Variants in BPTF observed in about 807,000 individuals in gnomAD.
BPTF encodes nucleosome-remodeling factor subunit BPTF.
In BPTF, 18 loss-of-function variants were observed where a neutral mutation model predicts 292.5. That is an observed-to-expected ratio of 0.06 (90% CI 0.04 to 0.09). BPTF has a LOEUF of 0.09. Ranked by LOEUF, BPTF falls within the 10% of genes least tolerant of loss-of-function variation. BPTF has a pLI of 1.00. For missense variants in BPTF, 2,726 were observed against 3,498.7 expected (o/e 0.78, Z 5.57); for synonymous variants, 1,225 against 1,251.9 (o/e 0.98, Z 0.45).
chr17:67,878,408 T>C (rs1481774311), intron 4 of BPTF, among the ~76,000 whole-genome samples: 1 of 152,184 alleles, frequency 6.6e-6, no homozygotes, highest in Non-Finnish European at 1.5e-5. Flanking sequence ...ACAAGCCTAG[T>C]TGTGGATTTT....
At chr17:67,975,517 C>T (rs1317070064) in intron 26 of BPTF, 3 of 342,802 alleles carry the variant, frequency 8.8e-6, no homozygotes, top group African/African-American at 2.1e-5. Context: ...GAATGAAGAA[C>T]GGTTCTGTGC....
chr17:67,886,628 T>G (rs2060774379), intron 4 of BPTF, among the ~76,000 whole-genome samples: 1 of 152,140 alleles, frequency 6.6e-6, no homozygotes, highest in Non-Finnish European at 1.5e-5. Flanking sequence ...GTGTGTAACA[T>G]TTTAGATCTT....
rs551912950 is a variant in BPTF at position 67,947,996 on chromosome 17, C to G, written c.7701-85C>G. On this transcript the variant is annotated intron_variant, in intron 22 of 27. Transcript: ENST00000306378. The stretch of plus-strand genomic sequence containing the variant: ...TTCCAGTCACAGAAAGTTTTTGTCT[C>G]ATCTGTAGAGGCATAGAAGAATGAT... 2.9e-6 allele frequency: 4 copies of G among 1,391,072 alleles called. No homozygotes were observed. The South Asian group carries it at 3.9e-5, about 13-fold the overall frequency. 86.2% of individuals were successfully genotyped at this position (1,391,072 alleles called of 1,614,324 possible).
chr17:67,929,958 A>G (rs1829580400), intron 17 of BPTF, among the ~76,000 whole-genome samples: 1 of 145,372 alleles, frequency 6.9e-6, no homozygotes. Context: ...TCTACAAAAA[A>G]TACAGAAATT....
At chr17:67,865,134 A>G (rs1328157528) in intron 2 of BPTF, among the ~76,000 whole-genome samples, 4 of 152,140 alleles carry the variant, frequency 2.6e-5, no homozygotes, top group African/African-American at 9.7e-5. Context: ...TGAAAATCTG[A>G]AACGCTCCAA....
intron 1 of BPTF, among the ~76,000 whole-genome samples, chr17:67,853,379 A>G (rs1449750089): frequency 2.0e-5 from 3 of 151,858 alleles, no homozygotes; most frequent in Admixed American, 6.6e-5. Context: ...TTCTGTCTTC[A>G]CCTTGAGCCC....
chr17:67,923,028 AT>A, intron 14 of BPTF, 38 bp downstream of exon 14: 1 of 1,553,062 alleles, frequency 6.4e-7, no homozygotes, highest in Non-Finnish European at 8.7e-7. Context: ...CTATTTGAAG[AT>A]TTTATCACTT....
At position 67,920,143 on chromosome 17, in the gene BPTF, G is replaced by A. The variant is rs2063336098; in HGVS notation, c.5557G>A (p.Glu1853Lys). ...CPIGVPETPK[E>K]TPTPQRKGLR... ...CATTGGAGTTCCAGAAACACCAAAA[G>A]GTAAGAAATAGAATTCTATTCTTTC... Residue 1853 changes from glutamate to lysine, a missense_variant and splice_region_variant, in exon 13 of 28, where the codon GAA becomes AAA. Transcript: ENST00000306378. 2.5e-6 allele frequency: 4 copies of A among 1,609,294 alleles called. No individual in the cohort carries two copies. The African/African-American group carries it at 4.0e-5, about 16-fold the overall frequency.
intron 1 of BPTF, among the ~76,000 whole-genome samples, chr17:67,853,003 G>T (rs1598254583): frequency 6.6e-6 from 1 of 152,154 alleles, no homozygotes; most frequent in Non-Finnish European, 1.5e-5. Flanking sequence ...TGGGGTGGTG[G>T]CGCCTGCCTG....
chr17:67,982,493 T>C lies in BPTF; in HGVS notation c.*205T>C, dbSNP rs1358223244. The C allele has an allele frequency of 4.4e-6, 2 of 459,768 alleles. No individual in the cohort carries two copies. Among genetic ancestry groups the C allele is most frequent in the African/African-American group, 4.0e-5 (2 of 49,790 alleles). 28.5% of individuals were successfully genotyped at this position (459,768 alleles called of 1,614,324 possible). Reference sequence around the variant, plus strand: ...AAAAGCAAAGTCAACGACACCATTATCTTGTCAAGATCAGATGGTTTTACT... The same window carrying C: ...AAAAGCAAAGTCAACGACACCATTACCTTGTCAAGATCAGATGGTTTTACT... On this transcript the variant is annotated 3_prime_UTR_variant, in exon 28 of 28. Coordinates refer to ENST00000306378, the MANE Select transcript of BPTF (RefSeq NM_182641.4).
At chr17:67,936,211 GT>G (rs1390433677) in intron 18 of BPTF, among the ~76,000 whole-genome samples, 4 of 152,192 alleles carry the variant, frequency 2.6e-5, no homozygotes, top group East Asian at 3.9e-4. Context: ...GTTTTTTGTT[GT>G]TGTTGTTTTG....
At chr17:67,880,578 G>T (rs535770918) in intron 4 of BPTF, among the ~76,000 whole-genome samples, 1 of 152,212 alleles carries the variant, frequency 6.6e-6, no homozygotes, top group African/African-American at 2.4e-5. Context: ...GGTGTGTGAT[G>T]AAGTATATTG....
At position 67,896,175 on chromosome 17, in the gene BPTF, G is replaced by A. The variant is rs182261714; in HGVS notation, c.2543+2010G>A. ...GATGGGGTTTCACCGTGTTAGCCAG[G>A]ATGGTCTCCATCTCCTGACCTTGTG... On this transcript the variant is annotated intron_variant, in intron 7 of 27. Coordinates refer to ENST00000306378, the MANE Select transcript of BPTF (RefSeq NM_182641.4). Among the ~76,000 whole-genome samples, 646 of 152,212 alleles carry A rather than the reference G, an allele frequency of 4.2e-3. 5 individuals are homozygous for A. Among genetic ancestry groups the A allele is most frequent in the African/African-American group, 0.015 (605 of 41,528 alleles).
At chr17:67,938,631 A>T (rs1443818692) in intron 18 of BPTF, among the ~76,000 whole-genome samples, 2 of 152,178 alleles carry the variant, frequency 1.3e-5, no homozygotes, top group Non-Finnish European at 2.9e-5. Flanking sequence ...TTGGGGGGAA[A>T]ATAGACTTCC....
intron 26 of BPTF, among the ~76,000 whole-genome samples, chr17:67,969,807 C>A (rs537472369): frequency 2.0e-5 from 3 of 151,784 alleles, no homozygotes; most frequent in South Asian, 2.1e-4. Flanking sequence ...TACAAAAAAA[C>A]AAAAAATGCT....
At chr17:67,914,316 AGTTT>A (rs906007471) in intron 11 of BPTF, among the ~76,000 whole-genome samples, 8 of 152,234 alleles carry the variant, frequency 5.3e-5, no homozygotes, top group East Asian at 1.9e-4. Flanking sequence ...AACCAGTCAT[AGTTT>A]GTTTGACCAA....
At chr17:67,860,086 T>C (rs2058984604) in intron 2 of BPTF, among the ~76,000 whole-genome samples, 1 of 152,232 alleles carries the variant, frequency 6.6e-6, no homozygotes, top group Admixed American at 6.5e-5. Context: ...TTGCCTTTTT[T>C]GATGCATAAT....
intron 4 of BPTF, among the ~76,000 whole-genome samples, chr17:67,884,187 T>G (rs2060602555): frequency 1.3e-5 from 2 of 150,640 alleles, no homozygotes; most frequent in South Asian, 4.2e-4. Flanking sequence ...ACTCAGGCTG[T>G]AGTGCAGTGG....
At chr17:67,872,870 G>A (rs1346302151) in intron 3 of BPTF, among the ~76,000 whole-genome samples, 2 of 152,138 alleles carry the variant, frequency 1.3e-5, no homozygotes, top group Non-Finnish European at 2.9e-5. Context: ...GCCAAGGCAC[G>A]GGGGAGTTCA....
Sources: allele counts gnomAD v4.1 joint callset (sites outside exome capture counted in the v4.1 genomes callset), GRCh38; gene constraint gnomAD v4.1.1; transcripts MANE v1.5; gene names NCBI Gene and HGNC (gene_info 2026-07-23, HGNC 2026-07-21).